Variants in SYNE2 observed in about 807,000 individuals in gnomAD.
SYNE2 encodes nesprin-2.
SYNE2 carries 431 observed loss-of-function variants against 856.3 expected under a neutral mutation model. That is an observed-to-expected ratio of 0.50 (90% CI 0.47 to 0.55). The LOEUF is 0.55. Among genes scored for constraint, SYNE2 ranks in the 20% least tolerant of loss-of-function variants. SYNE2 has a pLI of 0.00. For synonymous variants in SYNE2, 2,923 were observed against 2,872.3 expected (o/e 1.02, Z -0.56); for missense variants, 8,129 against 8,023.2 (o/e 1.01, Z -0.50).
rs2098138449 is a variant in SYNE2 at position 64,141,406 on chromosome 14, G to C, written c.15042G>C (p.Gln5014His). 3 of 1,613,970 alleles carry C rather than the reference G, an allele frequency of 1.9e-6. No homozygotes were observed. In the African/African-American group the frequency reaches 4.0e-5, roughly 22 times the overall value. The change falls in exon 81 of 116, where the codon CAG (glutamine) becomes CAC (histidine). Residue 5014 changes from glutamine (Q) to histidine (H), a missense_variant. Gln to His is a conservative substitution (Grantham distance 24). Coordinates refer to ENST00000555002, the MANE Select transcript of SYNE2 (RefSeq NM_182914.3). ...LKTAVISIGN[Q>H]LLHLKETDTA... is the part of the protein sequence containing the mutation. ...CTGCCGTTATCAGTATCGGGAACCA[G>C]CTTCTTCACCTGAAAGAAACTGATA...
In SYNE2 at chr14:64,070,916, A is replaced by G. The variant is rs1321335164; in HGVS notation, c.10697+6A>G. ...ATGAAAGAACGATGCAACAAGTAAGATTTATGAAAAACTATTAAGGACGTG... is the reference window on the plus strand; with the variant it reads ...ATGAAAGAACGATGCAACAAGTAAGGTTTATGAAAAACTATTAAGGACGTG... On this transcript the variant is annotated splice_donor_region_variant and intron_variant, in intron 52 of 115. Coordinates refer to ENST00000555002, the MANE Select transcript of SYNE2 (RefSeq NM_182914.3). The G allele has an allele frequency of 1.4e-5, 23 of 1,613,892 alleles. No homozygotes were observed. The highest frequency in any genetic ancestry group is 1.7e-5 in the Non-Finnish European group (20 of 1,179,872).
intron 76 of SYNE2, among the ~76,000 whole-genome samples, chr14:64,131,750 A>C (rs140256758): frequency 1.2e-4 from 18 of 152,114 alleles, no homozygotes; most frequent in African/African-American, 4.1e-4. Flanking sequence ...CCTAGCTGGC[A>C]TCTATCTTTT....
chr14:63,894,771 C>T (rs567331161), intron 1 of SYNE2, among the ~76,000 whole-genome samples: 20 of 152,300 alleles, frequency 1.3e-4, no homozygotes, highest in Non-Finnish European at 7.4e-5. Context: ...GCCCTCACTA[C>T]GTTCTCTCTC....
chr14:63,954,980 G>T, intron 8 of SYNE2, 65 bp downstream of exon 8: 1 of 1,332,480 alleles, frequency 7.5e-7, no homozygotes, highest in Middle Eastern at 1.8e-4. Flanking sequence ...TTTCAAAATA[G>T]TATCTATACA....
At chr14:63,933,888 C>A (rs1414705398) in intron 2 of SYNE2, among the ~76,000 whole-genome samples, 1 of 152,140 alleles carries the variant, frequency 6.6e-6, no homozygotes, top group East Asian at 1.9e-4. Flanking sequence ...TTGAAAAGAA[C>A]AAAAGGTTCC....
intron 45 of SYNE2, among the ~76,000 whole-genome samples, chr14:64,047,167 G>A (rs1002012587): frequency 2.0e-5 from 3 of 152,172 alleles, no homozygotes; most frequent in Admixed American, 2.0e-4. Context: ...GATGAAAATG[G>A]CTCTCAGTGG....
At chr14:63,986,402 T>C in intron 18 of SYNE2, 54 bp from the exon 19 acceptor site, 1 of 1,598,498 alleles carries the variant, frequency 6.3e-7, no homozygotes, top group Non-Finnish European at 8.6e-7. Flanking sequence ...AAAGGAAAAT[T>C]ATTTTGTTAT....
intron 2 of SYNE2, among the ~76,000 whole-genome samples, chr14:63,914,419 C>G (rs906926327): frequency 5.3e-5 from 8 of 152,164 alleles, no homozygotes; most frequent in African/African-American, 1.9e-4. Context: ...TTAGGCAGTG[C>G]CTACCTATTG....
At chr14:64,186,628 G>A in intron 97 of SYNE2, 49 bp downstream of exon 97, 1 of 1,612,080 alleles carries the variant, frequency 6.2e-7, no homozygotes, top group African/African-American at 1.3e-5. Context: ...GGATTGAAAT[G>A]TCTCTGAAGG....
intron 101 of SYNE2, chr14:64,209,183 C>A: frequency 3.7e-6 from 3 of 807,416 alleles, no homozygotes; most frequent in Non-Finnish European, 3.9e-6. Flanking sequence ...CTTCCGTTGA[C>A]CTAGCTGGGC....
At chr14:64,136,074 G>A (rs1296742170) in intron 78 of SYNE2, among the ~76,000 whole-genome samples, 1 of 152,144 alleles carries the variant, frequency 6.6e-6, no homozygotes, top group African/African-American at 2.4e-5. Flanking sequence ...TGGATAACCT[G>A]AGGTCAGGAG....
chr14:64,213,604 C>G (rs1254023965), intron 105 of SYNE2, among the ~76,000 whole-genome samples: 1 of 152,098 alleles, frequency 6.6e-6, no homozygotes, highest in Non-Finnish European at 1.5e-5. Context: ...TTTTTTGTGT[C>G]TCCAACTGGC....
At chr14:64,093,778 C>G (rs2097650922) in intron 61 of SYNE2, among the ~76,000 whole-genome samples, 1 of 152,198 alleles carries the variant, frequency 6.6e-6, no homozygotes, top group Non-Finnish European at 1.5e-5. Context: ...TGAGCCAGGG[C>G]TGCCGCATCT....
At chr14:64,136,310 A>G (rs1046563367) in intron 78 of SYNE2, among the ~76,000 whole-genome samples, 27 of 151,672 alleles carry the variant, frequency 1.8e-4, no homozygotes, top group African/African-American at 6.3e-4. Flanking sequence ...AAAAAAAAAA[A>G]AAATTGGGGG....
chr14:64,125,035 A>C, intron 70 of SYNE2, 44 bp from the exon 71 acceptor site: 1 of 1,611,620 alleles, frequency 6.2e-7, no homozygotes, highest in Non-Finnish European at 8.5e-7. Context: ...TAACATCAGC[A>C]GGGTCTAAAA....
At chr14:63,857,068 C>A (rs1050338139) in intron 1 of SYNE2, among the ~76,000 whole-genome samples, 1 of 152,120 alleles carries the variant, frequency 6.6e-6, no homozygotes, top group African/African-American at 2.4e-5. Context: ...CCCTTGGCCT[C>A]GTGTTTACAT....
intron 41 of SYNE2, among the ~76,000 whole-genome samples, chr14:64,025,697 A>G (rs918194369): frequency 2.0e-5 from 3 of 152,212 alleles, no homozygotes; most frequent in African/African-American, 7.2e-5. Flanking sequence ...AATAAAGACA[A>G]TGAATCAGAG....
chr14:63,835,942 C>T (rs950615734), intron 1 of SYNE2, among the ~76,000 whole-genome samples: 10 of 146,436 alleles, frequency 6.8e-5, no homozygotes, highest in Non-Finnish European at 1.5e-4. Context: ...GAGATCGTGC[C>T]GTTGCACTCC....
intron 66 of SYNE2, among the ~76,000 whole-genome samples, chr14:64,116,607 G>C (rs1026924576): frequency 6.6e-6 from 1 of 152,098 alleles, no homozygotes; most frequent in African/African-American, 2.4e-5. Flanking sequence ...TAGTAGAAAC[G>C]GTTTCCCCAT....
Sources: allele counts gnomAD v4.1 joint callset (sites outside exome capture counted in the v4.1 genomes callset), GRCh38; gene constraint gnomAD v4.1.1; transcripts MANE v1.5; gene names NCBI Gene and HGNC (gene_info 2026-07-23, HGNC 2026-07-21).